The following ATP6V1B1 variants were observed in gnomAD, a reference collection of about 807,000 sequenced individuals.
ATP6V1B1 encodes the protein ATPase H+ transporting V1 subunit B1, also known as V-type proton ATPase subunit B, kidney isoform.
ATP6V1B1 carries 41 observed loss-of-function variants against 62.1 expected under a neutral mutation model. The observed-to-expected ratio is 0.66, with a 90% CI of 0.51 to 0.86. The LOEUF is 0.86. Ranked by LOEUF, ATP6V1B1 falls within the 40% of genes least tolerant of loss-of-function variation. The pLI is 0.00. For synonymous variants in ATP6V1B1, 253 were observed against 273.4 expected (o/e 0.93, Z 0.74); for missense variants, 651 against 697.5 (o/e 0.93, Z 0.75).
chr2:70,936,233 C>T (rs1679851005), intron 1 of ATP6V1B1, among the ~76,000 whole-genome samples, 161 bp downstream of exon 1: 2 of 152,104 alleles, frequency 1.3e-5, no homozygotes, highest in African/African-American at 4.8e-5. Context: ...AGTGGGGCCA[C>T]CTGGACCAGA....
chr2:70,961,826 G>A (rs1680595108), intron 8 of ATP6V1B1, 133 bp downstream of exon 8: 2 of 878,782 alleles, frequency 2.3e-6, no homozygotes, highest in South Asian at 1.4e-5. Context: ...AACCCTCATT[G>A]TGTAGATAGG....
intron 4 of ATP6V1B1, among the ~76,000 whole-genome samples, chr2:70,958,738 C>T (rs782493534): frequency 2.2e-4 from 34 of 152,230 alleles, no homozygotes; most frequent in Admixed American, 1.6e-3. Context: ...CTCCCAAGAC[C>T]TGGCCTGGCC....
At chr2:70,942,975 A>C (rs1680039981) in intron 1 of ATP6V1B1, among the ~76,000 whole-genome samples, 1 of 152,070 alleles carries the variant, frequency 6.6e-6, no homozygotes, top group Non-Finnish European at 1.5e-5. Context: ...TTGGCATCTA[A>C]CCCAATTCCC....
At chr2:70,938,643 G>C in intron 1 of ATP6V1B1, 1 of 985,418 alleles carries the variant, frequency 1.0e-6, no homozygotes, top group Non-Finnish European at 1.2e-6. Context: ...AGGCAGCCTG[G>C]GGAGCTGACC....
Position 70,963,063 on chromosome 2 carries a change from C to T in ATP6V1B1, c.910-99C>T. 3 of 1,602,942 alleles carry T rather than the reference C, an allele frequency of 1.9e-6. No individual in the cohort carries two copies. The South Asian group carries it at 3.3e-5, about 18-fold the overall frequency. On this transcript the variant is annotated intron_variant, in intron 9 of 13. Transcript: ENST00000234396. This position sits in a 1 kb window ranked among gnomAD's most constrained non-coding sequence, Gnocchi z 4.3. ...CAGCCTGGCCATTCCTCCCCTGCCC[C>T]CCACTCCATTTCTCACAGGGTCACT...
At chr2:70,953,688 TG>T (rs1208925766) in intron 2 of ATP6V1B1, among the ~76,000 whole-genome samples, 1 of 152,218 alleles carries the variant, frequency 6.6e-6, no homozygotes, top group Non-Finnish European at 1.5e-5. Context: ...TATTTTATTT[TG>T]GTATCAAGGC....
At chr2:70,964,112 G>GTCTTTTTT (rs1330555546) in intron 11 of ATP6V1B1, 2 of 158,360 alleles carry the variant, frequency 1.3e-5, no homozygotes, top group Non-Finnish European at 2.1e-5. Context: ...TGCTTGGCAG[G>GTCTTTTTT]TATTTTTTTT....
intron 2 of ATP6V1B1, among the ~76,000 whole-genome samples, chr2:70,949,554 G>A (rs1425849834): frequency 6.6e-6 from 1 of 152,086 alleles, no homozygotes; most frequent in African/African-American, 2.4e-5. Context: ...AGGTATGAGA[G>A]GACCCACTTC....
intron 8 of ATP6V1B1, chr2:70,961,939 C>T (rs1680597883): frequency 5.4e-6 from 3 of 558,614 alleles, no homozygotes; most frequent in African/African-American, 1.9e-5. Flanking sequence ...CAACCCATGT[C>T]CAGCCACCAT....
At chr2:70,949,739 A>C (rs944294376) in intron 2 of ATP6V1B1, among the ~76,000 whole-genome samples, 7 of 152,156 alleles carry the variant, frequency 4.6e-5, no homozygotes. Context: ...TCTTCCTACC[A>C]AGCAAGTTGT....
At chr2:70,951,569 A>T (rs1013097453) in intron 2 of ATP6V1B1, among the ~76,000 whole-genome samples, 1 of 152,020 alleles carries the variant, frequency 6.6e-6, no homozygotes, top group Non-Finnish European at 1.5e-5. Context: ...CCTTTCTTTG[A>T]CATTTTTGAA....
Position 70,936,031 on chromosome 2 carries a change from T to C in ATP6V1B1, c.77T>C (p.Met26Thr), listed in dbSNP as rs527738649. The change falls in exon 1 of 14, where the codon ATG (methionine) becomes ACG (threonine). Residue 26 changes from methionine (M) to threonine (T), a missense_variant. Physicochemically the swap from Met to Thr is moderately conservative, Grantham distance 81 (BLOSUM62 -1). Coordinates refer to ENST00000234396, the MANE Select transcript of ATP6V1B1 (RefSeq NM_001692.4). ...AACCTAGGTGCAGCCCGAGAACACA[T>C]GCAGGCGGTCACCCGAAACTACATC... is the stretch of plus-strand genomic sequence containing the variant. The part of the protein sequence containing the change: ...SCNLGAAREH[M>T]QAVTRNYITH... 466 of 1,613,842 alleles carry C rather than the reference T, an allele frequency of 2.9e-4. No homozygotes were observed. Among genetic ancestry groups the C allele is most frequent in the East Asian group, 9.6e-4 (43 of 44,856 alleles).
intron 2 of ATP6V1B1, among the ~76,000 whole-genome samples, chr2:70,951,163 G>A (rs998227242): frequency 2.6e-5 from 4 of 151,820 alleles, no homozygotes; most frequent in African/African-American, 4.8e-5. Context: ...GGCTGGTCTC[G>A]AACTTCTGAC....
intron 2 of ATP6V1B1, among the ~76,000 whole-genome samples, chr2:70,944,668 CTTT>C (rs36039112): frequency 3.1e-5 from 4 of 129,350 alleles, no homozygotes; most frequent in Non-Finnish European, 4.9e-5. Context: ...CAGGTCTTTT[CTTT>C]TTTTTTTTTT....
intron 1 of ATP6V1B1, 153 bp from the exon 2 acceptor site, chr2:70,943,505 T>C (rs1237362076): frequency 1.2e-6 from 1 of 805,344 alleles, no homozygotes; most frequent in Admixed American, 2.0e-5. Flanking sequence ...CTTACAGCAA[T>C]GGTGGCTGGC....
rs1057522611 is a variant in ATP6V1B1, at chr2:70,958,133, G to A, written c.262G>A (p.Ala88Thr). The A allele has an allele frequency of 6.2e-7, 1 of 1,614,056 alleles. No individual in the cohort carries two copies. Among genetic ancestry groups the A allele is most frequent in the East Asian group, 2.2e-5 (1 of 44,876 alleles). The change falls in exon 3 of 14, where the codon GCG (alanine) becomes ACG (threonine). Residue 88 changes from alanine (A) to threonine (T), a missense_variant. By Grantham distance (58) the Ala-to-Thr change is moderately conservative. Transcript: ENST00000234396. ...GGTGCTTGAGGTGGCTGGCACCAAG[G>A]CGATTGTTCAGGTGAGTGGGGTCAA... ...GQVLEVAGTK[A>T]IVQVFEGTSG...
chr2:70,949,967 C>T (rs1354140240), intron 2 of ATP6V1B1, among the ~76,000 whole-genome samples: 5 of 152,114 alleles, frequency 3.3e-5, no homozygotes, highest in Non-Finnish European at 7.4e-5. Context: ...AGAAGAAAAG[C>T]TCTTCCAGTA....
intron 7 of ATP6V1B1, 78 bp from the exon 8 acceptor site, chr2:70,961,518 T>A: frequency 6.8e-7 from 1 of 1,463,716 alleles, no homozygotes; most frequent in African/African-American, 1.4e-5. Flanking sequence ...CAGGCTTTCC[T>A]GAGGACACCT....
chr2:70,937,257 T>C (rs1679876817), intron 1 of ATP6V1B1, among the ~76,000 whole-genome samples: 1 of 152,006 alleles, frequency 6.6e-6, no homozygotes, highest in African/African-American at 2.4e-5. Flanking sequence ...CCTCTGTTGC[T>C]ATCCAGGCCA....
Sources: gnomAD v4.1 joint callset for allele counts (sites outside exome capture counted in the v4.1 genomes callset) on GRCh38, gnomAD v4.1.1 for gene constraint, Gnocchi (gnomAD v3.1) non-coding constraint, MANE v1.5 for transcripts, NCBI Gene and HGNC (gene_info 2026-07-23, HGNC 2026-07-21) for gene names.